KLHDC1: variants seen among roughly 807,000 people sequenced by gnomAD.
KLHDC1 encodes the protein kelch domain containing 1, also known as kelch domain-containing protein 1.
A neutral mutation model predicts 68.3 loss-of-function variants in KLHDC1; 53 were observed. That is an observed-to-expected ratio of 0.78 (90% CI 0.62 to 0.98). KLHDC1 has a LOEUF of 0.98. Among genes scored for constraint, KLHDC1 ranks in the 50% least tolerant of loss-of-function variants. The pLI is 0.00. For synonymous variants in KLHDC1, 148 were observed against 159.0 expected (o/e 0.93, Z 0.52); for missense variants, 470 against 492.3 (o/e 0.95, Z 0.43).
intron 10 of KLHDC1, 49 bp from the exon 11 acceptor site, chr14:49,740,049 A>C (rs763682548): frequency 5.1e-6 from 5 of 989,678 alleles, no homozygotes; most frequent in Non-Finnish European, 7.9e-6. Context: ...TATAATGTAC[A>C]GTTTCTCCCA....
At chr14:49,745,921 C>A (rs1889188445) in intron 12 of KLHDC1, among the ~76,000 whole-genome samples, 1 of 152,172 alleles carries the variant, frequency 6.6e-6, no homozygotes, top group East Asian at 1.9e-4. Context: ...ACAAGTTAGA[C>A]AATTCCTCTG....
intron 1 of KLHDC1, among the ~76,000 whole-genome samples, chr14:49,694,430 A>G (rs952425908): frequency 6.6e-6 from 1 of 152,200 alleles, no homozygotes; most frequent in Non-Finnish European, 1.5e-5. Flanking sequence ...ACCTCGAAGT[A>G]TTGCAGAATA....
intron 4 of KLHDC1, among the ~76,000 whole-genome samples, chr14:49,718,033 C>T (rs1012470574): frequency 6.6e-5 from 10 of 151,844 alleles, no homozygotes; most frequent in African/African-American, 4.8e-5. Flanking sequence ...ACTACAGGCA[C>T]GTGCCACCAT....
chr14:49,746,592 A>G (rs938112266), intron 12 of KLHDC1, among the ~76,000 whole-genome samples: 2 of 152,212 alleles, frequency 1.3e-5, no homozygotes, highest in East Asian at 3.8e-4. Flanking sequence ...CCATTTTCAC[A>G]GTCAAGGATC....
chr14:49,751,852 TATTTAAAGGATAAA>T lies in KLHDC1; in HGVS notation c.*96_*109del, dbSNP rs1276312555. 4 of 608,846 alleles carry T rather than the reference TATTTAAAGGATAAA, an allele frequency of 6.6e-6. No homozygotes were observed. The highest frequency in any genetic ancestry group is 1.0e-5 in the Non-Finnish European group (4 of 389,580). 37.7% of individuals were successfully genotyped at this position (608,846 alleles called of 1,614,324 possible). ...ATTTACACTCCCAAATTGCAGGCTT[TATTTAAAGGATAAA>T]ATTTAAAGGATAAAAAAACAGTCAC... On this transcript the variant is annotated 3_prime_UTR_variant, in exon 13 of 13. Transcript: ENST00000359332.
At chr14:49,695,708 T>A (rs901540200) in intron 1 of KLHDC1, among the ~76,000 whole-genome samples, 3 of 152,184 alleles carry the variant, frequency 2.0e-5, no homozygotes, top group Non-Finnish European at 4.4e-5. Flanking sequence ...TTGACTTCTC[T>A]CTAGCTATGA....
chr14:49,744,140 G>A (rs145832865), intron 12 of KLHDC1, among the ~76,000 whole-genome samples: 113 of 152,102 alleles, frequency 7.4e-4, no homozygotes, highest in African/African-American at 2.7e-3. Flanking sequence ...AAAAGTAGCT[G>A]GCATGGTAGC....
intron 1 of KLHDC1, among the ~76,000 whole-genome samples, chr14:49,696,475 C>G (rs529164967): frequency 4.5e-4 from 69 of 152,276 alleles, no homozygotes; most frequent in African/African-American, 1.5e-3. Flanking sequence ...GTCACCGTGC[C>G]TGGCCTTACC....
chr14:49,706,784 G>T (rs1212040431), intron 1 of KLHDC1, among the ~76,000 whole-genome samples: 1 of 152,110 alleles, frequency 6.6e-6, no homozygotes, highest in Admixed American at 6.5e-5. Flanking sequence ...TGTCTTCTTT[G>T]GAGAAATGTG....
intron 12 of KLHDC1, among the ~76,000 whole-genome samples, chr14:49,748,994 T>G (rs963840178): frequency 6.6e-6 from 1 of 151,918 alleles, no homozygotes; most frequent in Admixed American, 6.6e-5. Context: ...AGAGATGAGA[T>G]TTCACCATAT....
At chr14:49,709,321 AT>A in intron 2 of KLHDC1, 92 bp downstream of exon 2, 2 of 584,390 alleles carry the variant, frequency 3.4e-6, no homozygotes, top group Non-Finnish European at 6.0e-6. Flanking sequence ...TACTTTGAAC[AT>A]ACTGCAACAT....
chr14:49,693,340 C>T, intron 1 of KLHDC1, 50 bp downstream of exon 1: 1 of 1,274,352 alleles, frequency 7.8e-7, no homozygotes, highest in Non-Finnish European at 1.0e-6. Flanking sequence ...AGACCCTCGG[C>T]CTGAGCGGAC....
At chr14:49,707,295 TGTGA>T (rs1199021077) in intron 1 of KLHDC1, among the ~76,000 whole-genome samples, 87 of 139,854 alleles carry the variant, frequency 6.2e-4, no homozygotes, top group South Asian at 4.9e-3. Flanking sequence ...TGTGTGTGTG[TGTGA>T]GAGAGAGAGA....
At chr14:49,736,230 A>G (rs1477010119) in intron 10 of KLHDC1, among the ~76,000 whole-genome samples, 1 of 152,224 alleles carries the variant, frequency 6.6e-6, no homozygotes, top group Non-Finnish European at 1.5e-5. Flanking sequence ...ATATACTGTT[A>G]GTTAGAACTA....
At chr14:49,747,275 C>G (rs1368475797) in intron 12 of KLHDC1, among the ~76,000 whole-genome samples, 2 of 152,196 alleles carry the variant, frequency 1.3e-5, no homozygotes, top group East Asian at 3.9e-4. Flanking sequence ...CAGCCTAGTT[C>G]ACCTGTACTT....
intron 10 of KLHDC1, among the ~76,000 whole-genome samples, chr14:49,738,796 GATGCCCTA>G (rs1314523941): frequency 1.3e-5 from 2 of 152,228 alleles, no homozygotes; most frequent in Non-Finnish European, 2.9e-5. Flanking sequence ...AGAGTGGGAG[GATGCCCTA>G]ATTTGTAGCA....
At chr14:49,747,735 G>A (rs952052464) in intron 12 of KLHDC1, among the ~76,000 whole-genome samples, 7 of 152,250 alleles carry the variant, frequency 4.6e-5, no homozygotes, top group African/African-American at 1.4e-4. Flanking sequence ...AGATGCTGAC[G>A]TCTGTCTGCG....
chr14:49,729,050 C>G (rs745450137), intron 7 of KLHDC1, 41 bp downstream of exon 7: 1 of 1,309,384 alleles, frequency 7.6e-7, no homozygotes, highest in Admixed American at 1.8e-5. Context: ...ATGTGCAATG[C>G]TCCTTATAAA....
Position 49,732,807 on chromosome 14 carries a change from A to G in KLHDC1, c.814A>G (p.Ile272Val), listed in dbSNP as rs752612471. The change falls in exon 9 of 13, where the codon ATC becomes GTC. Residue 272 changes from isoleucine (I) to valine (V), a missense_variant. By Grantham distance (29) the Ile-to-Val change is conservative. Coordinates refer to ENST00000359332, the MANE Select transcript of KLHDC1 (RefSeq NM_172193.3). ...FLCGGLSADN[I>V]PLSDGWIHNV... is the part of the protein sequence containing the mutation. Reference sequence around the variant, plus strand: ...ATGTGGTGGACTAAGTGCAGATAATATCCCATTAAGTAAGTTGATTAAGGT... The same window carrying G: ...ATGTGGTGGACTAAGTGCAGATAATGTCCCATTAAGTAAGTTGATTAAGGT... 1 of 1,473,924 alleles carries G rather than the reference A, an allele frequency of 6.8e-7. No homozygotes were observed. Among genetic ancestry groups the G allele is most frequent in the Non-Finnish European group, 9.5e-7 (1 of 1,053,490 alleles). The allele number at this position is 1,473,924 out of a possible 1,614,324, so 91.3% of individuals were successfully genotyped here.
Sources: gnomAD v4.1 joint callset for allele counts (sites outside exome capture counted in the v4.1 genomes callset) on GRCh38, gnomAD v4.1.1 for gene constraint, MANE v1.5 for transcripts, NCBI Gene and HGNC (gene_info 2026-07-23, HGNC 2026-07-21) for gene names.